Variants in POU6F1 observed in about 807,000 individuals in gnomAD.
POU6F1 encodes POU domain, class 6, transcription factor 1.
A neutral mutation model predicts 28.9 loss-of-function variants in POU6F1; 9 were observed. The ratio of observed to expected loss-of-function variants is 0.31; its 90% CI spans 0.19 to 0.54. The LOEUF (loss-of-function observed/expected upper bound fraction) is 0.54, where lower values mean the gene tolerates loss of function less well. Ranked by LOEUF, POU6F1 falls within the 20% of genes least tolerant of loss-of-function variation. POU6F1 has a pLI of 0.94. For synonymous variants in POU6F1, 173 were observed against 171.1 expected (o/e 1.01, Z -0.09); for missense variants, 338 against 426.1 (o/e 0.79, Z 1.82).
chr12:51,195,282 C>G (rs1942735101), intron 8 of POU6F1, among the ~76,000 whole-genome samples: 1 of 152,104 alleles, frequency 6.6e-6, no homozygotes, highest in African/African-American at 2.4e-5. Context: ...TACAGGTGAG[C>G]ACCACTACAC....
chr12:51,208,312 G>A (rs1943762460), intron 1 of POU6F1, among the ~76,000 whole-genome samples: 1 of 152,012 alleles, frequency 6.6e-6, no homozygotes, highest in African/African-American at 2.4e-5. Flanking sequence ...AAAAGAGAGA[G>A]AGAGAGAGAC....
intron 3 of POU6F1, chr12:51,202,025 A>T (rs1417970787): frequency 6.6e-6 from 1 of 151,948 alleles, no homozygotes; most frequent in South Asian, 2.1e-4. Context: ...ACACCTGGCT[A>T]ATTTTTGTAT....
intron 1 of POU6F1, among the ~76,000 whole-genome samples, chr12:51,211,739 C>T (rs1944000018): frequency 6.6e-6 from 1 of 152,160 alleles, no homozygotes; most frequent in African/African-American, 2.4e-5. Flanking sequence ...CACTCCTTGA[C>T]AGAGCAAGAC....
At chr12:51,201,463 A>G (rs906315437) in intron 3 of POU6F1, among the ~76,000 whole-genome samples, 4 of 152,120 alleles carry the variant, frequency 2.6e-5, no homozygotes, top group Non-Finnish European at 5.9e-5. Context: ...CATCACTTGA[A>G]GCCAGGAGTT....
At position 51,200,504 on chromosome 12, in the gene POU6F1, C is replaced by T. The variant is rs138123189; in HGVS notation, c.245-636G>A. Among the ~76,000 whole-genome samples the T allele has an allele frequency of 8.5e-5, 13 of 152,268 alleles. No individual in the cohort carries two copies. In the East Asian group the frequency reaches 2.5e-3, roughly 29 times the overall value. On this transcript the variant is annotated intron_variant, in intron 3 of 10. Transcript: ENST00000333640. The stretch of plus-strand genomic sequence containing the variant: ...TCAGTGAGCTTCTAAATGAATTTCC[C>T]GTGACCTGCAGCTTTTTGCCTTCTC...
In POU6F1 at chr12:51,191,686, C is replaced by T. The variant is rs769071082; in HGVS notation, c.1400G>A (p.Arg467Gln). ...IREFAKNFKI[R>Q]RLSLGLTQTQ... ...CTGTGTAAGGCCCAGCGAGAGCCGC[C>T]GGATCTTAAAGTTCTTGGCAAACTC... Residue 467 changes from arginine to glutamine, a missense_variant, in exon 10 of 11, where the codon CGG (arginine) becomes CAG (glutamine). Coordinates refer to ENST00000333640, the MANE Select transcript of POU6F1 (RefSeq NM_001330422.2). The T allele has an allele frequency of 6.8e-6, 11 of 1,614,210 alleles. No homozygotes were observed. Among genetic ancestry groups the T allele is most frequent in the Non-Finnish European group, 8.5e-6 (10 of 1,180,042 alleles).
intron 1 of POU6F1, among the ~76,000 whole-genome samples, chr12:51,212,942 GTTTT>G (rs905439402): frequency 2.7e-5 from 4 of 146,976 alleles, no homozygotes; most frequent in African/African-American, 9.9e-5. Context: ...TAATGCAGTT[GTTTT>G]TTTTTTTCGA....
chr12:51,190,111 C>T lies in POU6F1; in HGVS notation c.*136G>A. On this transcript the variant is annotated 3_prime_UTR_variant, in exon 11 of 11. Transcript: ENST00000333640. This position sits in a 1 kb window ranked among gnomAD's most constrained non-coding sequence, Gnocchi z 4.5. ...GAAAAGAGGGACATTGATGCACATG[C>T]ACACGGTGGAGTCTGATGACCTGGG... 7.2e-7 allele frequency: 1 copy of T among 1,388,960 alleles called. No homozygotes were observed. The allele number at this position is 1,388,960 out of a possible 1,614,324, so 86.0% of individuals were successfully genotyped here. A position where few individuals can be genotyped will look rare whatever the true frequency, so the allele number is the denominator to read the frequency against.
intron 9 of POU6F1, 129 bp downstream of exon 9, chr12:51,192,201 C>G (rs1029401877): frequency 4.6e-6 from 6 of 1,310,240 alleles, no homozygotes; most frequent in East Asian, 2.3e-5. Flanking sequence ...AAAAGCCAGC[C>G]CCTCATATTG....
intron 8 of POU6F1, among the ~76,000 whole-genome samples, chr12:51,194,886 CT>C (rs1241814316): frequency 6.6e-6 from 1 of 152,136 alleles, no homozygotes; most frequent in African/African-American, 2.4e-5. Flanking sequence ...ATTTACAAAA[CT>C]TGGAAGTGCA....
At chr12:51,192,539 G>A in intron 8 of POU6F1, 68 bp from the exon 9 acceptor site, 1 of 1,567,926 alleles carries the variant, frequency 6.4e-7, no homozygotes, top group Non-Finnish European at 8.7e-7. Context: ...ATCCCTGGGT[G>A]GACCAGAGGC....
At position 51,188,554 on chromosome 12, in the gene POU6F1, C is replaced by T. The variant is rs1330279897; in HGVS notation, c.*1693G>A. On this transcript the variant is annotated 3_prime_UTR_variant, in exon 11 of 11. Transcript: ENST00000333640. ...GTGTGCTAATTCAGCACACAACTGT[C>T]CTCCTCTTACTGGCCAGGCTACCAA... is the stretch of plus-strand genomic sequence containing the variant. The T allele has an allele frequency of 6.6e-6, 1 of 152,312 alleles. No individual in the cohort carries two copies. The highest frequency in any genetic ancestry group is 1.5e-5 in the Non-Finnish European group (1 of 68,082). The allele number at this position is 152,312 out of a possible 1,614,324, so 9.4% of individuals were successfully genotyped here.
Position 51,212,242 on chromosome 12 carries a change from C to T in POU6F1, c.-47-5359G>A, listed in dbSNP as rs563305535. Among the ~76,000 whole-genome samples, 18 of 151,858 alleles carry T rather than the reference C, an allele frequency of 1.2e-4. No individual in the cohort carries two copies. The South Asian group carries it at 1.2e-3, about 11-fold the overall frequency. ...CTGAGTAGCTGGGACTACAGGTGCG[C>T]GCCACCATGCCCAGCTAATTTTTGT... On this transcript the variant is annotated intron_variant, in intron 1 of 10. Coordinates refer to ENST00000333640, the MANE Select transcript of POU6F1 (RefSeq NM_001330422.2).
rs775504721 is a variant in POU6F1, at chr12:51,192,339, A to G, written c.1312T>C (p.Leu438=). The G allele has an allele frequency of 9.9e-6, 16 of 1,613,998 alleles. No individual in the cohort carries two copies. Among genetic ancestry groups the G allele is most frequent in the Non-Finnish European group, 1.3e-5 (15 of 1,179,990 alleles). Residue 438 remains leucine (L), a synonymous_variant, in exon 9 of 11, where the codon TTG becomes CTG. Transcript: ENST00000333640. The stretch of plus-strand genomic sequence containing the variant: ...TCCAGGAGCCACTTACTGGACACCA[A>G]CTGGCTGACGGTGGGGGTCTCTGAG... ...TCSETPTVSQ[L]VSKPHTPSLD...
rs771763739 is a variant in POU6F1, at chr12:51,190,290, G to A, written c.1793C>T (p.Thr598Met). 26 of 1,614,070 alleles carry A rather than the reference G, an allele frequency of 1.6e-5. No homozygotes were observed. Among genetic ancestry groups the A allele is most frequent in the Non-Finnish European group, 2.2e-5 (26 of 1,180,024 alleles). Reference protein sequence around the residue: ...VRVWFCNRRQTLKNTSKLNVF... With the variant: ...VRVWFCNRRQMLKNTSKLNVF... ...GTTCAGCTTGCTGGTGTTCTTGAGC[G>A]TCTGGCGCCGATTGCAGAACCAGAC... Residue 598 changes from threonine (T) to methionine (M), a missense_variant, in exon 11 of 11, where the codon ACG becomes ATG. Around this residue, in one of 3 missense-constraint regions of POU6F1, gnomAD observed 126 missense variants for 176.5 expected, o/e 0.71. Transcript: ENST00000333640. The surrounding 1 kb of genome is among the most constrained non-coding windows in gnomAD (Gnocchi z 4.5).
At chr12:51,212,849 C>T (rs1801644532) in intron 1 of POU6F1, among the ~76,000 whole-genome samples, 1 of 143,158 alleles carries the variant, frequency 7.0e-6, no homozygotes, top group South Asian at 2.2e-4. Context: ...AAGGTAACTA[C>T]AATACAGTAT....
At position 51,192,352 on chromosome 12, in the gene POU6F1, G is replaced by A; in HGVS notation, c.1299C>T (p.Pro433=). The change falls in exon 9 of 11, where the codon CCC becomes CCT. Residue 433 remains proline (P), a synonymous_variant. Transcript: ENST00000333640. ...TACTGGACACCAACTGGCTGACGGT[G>A]GGGGTCTCTGAGCAGGTAATTGGGA... ...APIPITCSET[P]TVSQLVSKPH... is the part of the protein sequence containing the mutation. 1 of 1,614,178 alleles carries A rather than the reference G, an allele frequency of 6.2e-7. No individual in the cohort carries two copies. The highest frequency in any genetic ancestry group is 1.1e-5 in the South Asian group (1 of 91,076).
In POU6F1 at chr12:51,199,190, AAGGCCCCGCAG is replaced by A. The variant is rs1943044895; in HGVS notation, c.367-426_367-416del. Among the ~76,000 whole-genome samples the A allele has an allele frequency of 6.7e-6, 1 of 150,240 alleles. No individual in the cohort carries two copies. On this transcript the variant is annotated intron_variant, in intron 4 of 10. Transcript: ENST00000333640. The surrounding 1 kb of genome is among the most constrained non-coding windows in gnomAD (Gnocchi z 4.1). ...CAGAGGCTAATGGAACCAAGTGGTC[AAGGCCCCGCAG>A]AGGCTAATGGAACCAAGTGGTCAAG...
At chr12:51,201,052 T>C (rs1446179536) in intron 3 of POU6F1, among the ~76,000 whole-genome samples, 1 of 152,234 alleles carries the variant, frequency 6.6e-6, no homozygotes, top group Non-Finnish European at 1.5e-5. Context: ...CCAGGCCTAC[T>C]GAATCAGAAT....
Sources: allele counts gnomAD v4.1 joint callset (sites outside exome capture counted in the v4.1 genomes callset), GRCh38; gene constraint gnomAD v4.1.1; regional missense constraint gnomAD v4.1.1; non-coding constraint Gnocchi (gnomAD v3.1); transcripts MANE v1.5; gene names NCBI Gene and HGNC (gene_info 2026-07-23, HGNC 2026-07-21).